CSMD3: variants seen among roughly 807,000 people sequenced by gnomAD.
CSMD3 encodes CUB and Sushi multiple domains 3, also known as CUB and sushi domain-containing protein 3.
In CSMD3, 177 loss-of-function variants were observed where a neutral mutation model predicts 435.2. The observed-to-expected ratio is 0.41, with a 90% CI of 0.36 to 0.46. The LOEUF is 0.46. CSMD3 is among the 20% of genes least tolerant of loss of function. The pLI, the probability that CSMD3 is intolerant of heterozygous loss-of-function variation, is 0.34. For synonymous variants in CSMD3, 1,656 were observed against 1,520.5 expected (o/e 1.09, Z -2.07); for missense variants, 4,265 against 4,504.6 (o/e 0.95, Z 1.52).
chr8:113,235,364 A>AT (rs1339837734), intron 3 of CSMD3, among the ~76,000 whole-genome samples: 17 of 152,086 alleles, frequency 1.1e-4, no homozygotes, highest in Non-Finnish European at 4.4e-5. Context: ...AGTGCACCCC[A>AT]TTCCAATAGC....
intron 1 of CSMD3, among the ~76,000 whole-genome samples, chr8:113,361,231 G>A (rs904178088): frequency 1.3e-5 from 2 of 152,014 alleles, no homozygotes; most frequent in Non-Finnish European, 1.5e-5. Context: ...TAAAAACTTA[G>A]CACTGATGTT....
At chr8:113,289,999 T>C (rs1588449885) in intron 2 of CSMD3, among the ~76,000 whole-genome samples, 1 of 151,768 alleles carries the variant, frequency 6.6e-6, no homozygotes, top group Non-Finnish European at 1.5e-5. Context: ...TTAAAATGTA[T>C]ATATTATAAT....
intron 4 of CSMD3, among the ~76,000 whole-genome samples, chr8:113,133,490 A>G (rs547165386): frequency 1.5e-4 from 23 of 152,294 alleles, no homozygotes; most frequent in African/African-American, 5.5e-4. Context: ...AGATTGTAAA[A>G]TGATGCAACT....
chr8:112,234,378 G>A lies in CSMD3; in HGVS notation c.10727C>T (p.Ala3576Val), dbSNP rs1813374479. 6.9e-6 allele frequency: 11 copies of A among 1,605,320 alleles called. No individual in the cohort carries two copies. The highest frequency in any genetic ancestry group is 8.5e-6 in the Non-Finnish European group (10 of 1,172,554). The change falls in exon 68 of 71, where the codon GCA becomes GTA. Residue 3576 changes from alanine (A) to valine (V), a missense_variant. This residue lies in a region of CSMD3 where 3,255 missense variants were observed against 3,380.2 expected (regional missense o/e 0.96). Coordinates refer to ENST00000297405, the MANE Select transcript of CSMD3 (RefSeq NM_198123.2). The stretch of plus-strand genomic sequence containing the variant: ...AACTATACTTACAAAGCCATCCATT[G>A]CCCAATTTTCTTCCTTCATTTTCTT... ...SVKKMKEENW[A>V]MDGFVSAEPD...
At chr8:112,624,395 T>C (rs962403861) in intron 22 of CSMD3, among the ~76,000 whole-genome samples, 1 of 152,142 alleles carries the variant, frequency 6.6e-6, no homozygotes, top group African/African-American at 2.4e-5. Flanking sequence ...TAATGTCCAC[T>C]GAAGGTGTAT....
chr8:113,109,392 C>T (rs200025947), intron 4 of CSMD3, among the ~76,000 whole-genome samples: 1 of 152,106 alleles, frequency 6.6e-6, no homozygotes, highest in East Asian at 1.9e-4. Flanking sequence ...AGGCAAATTG[C>T]CCTCTGACTG....
At chr8:112,386,659 G>A (rs1054631180) in intron 36 of CSMD3, among the ~76,000 whole-genome samples, 3 of 152,046 alleles carry the variant, frequency 2.0e-5, no homozygotes, top group Non-Finnish European at 4.4e-5. Flanking sequence ...CACCACGCCC[G>A]GCTAATTTTT....
At chr8:112,304,450 T>C (rs956258126) in intron 52 of CSMD3, among the ~76,000 whole-genome samples, 4 of 151,952 alleles carry the variant, frequency 2.6e-5, no homozygotes, top group South Asian at 2.1e-4. Context: ...AAGTAGTAAG[T>C]AATCATTACT....
At chr8:112,342,143 C>T (rs1490803782) in intron 41 of CSMD3, among the ~76,000 whole-genome samples, 1 of 152,054 alleles carries the variant, frequency 6.6e-6, no homozygotes, top group Non-Finnish European at 1.5e-5. Context: ...TATTCATTCA[C>T]AGGAGAGAAA....
intron 17 of CSMD3, 124 bp downstream of exon 17, chr8:112,666,153 A>G (rs2075519322): frequency 2.5e-6 from 2 of 813,076 alleles, no homozygotes; most frequent in African/African-American, 1.7e-5. Flanking sequence ...AGATGGAAGC[A>G]TTCAAAGCAC....
intron 32 of CSMD3, among the ~76,000 whole-genome samples, chr8:112,451,543 C>A (rs1057373761): frequency 6.9e-6 from 1 of 144,728 alleles, no homozygotes; most frequent in Admixed American, 7.0e-5. Context: ...ATAATCTTCT[C>A]TTTTTTTTTT....
chr8:112,933,215 T>A (rs1564120323), intron 9 of CSMD3, among the ~76,000 whole-genome samples: 1 of 152,176 alleles, frequency 6.6e-6, no homozygotes, highest in East Asian at 1.9e-4. Flanking sequence ...TGTTATCAAG[T>A]GGTGTATAAT....
chr8:113,168,760 TTTTC>T (rs1564387139), intron 4 of CSMD3, among the ~76,000 whole-genome samples: 4 of 151,862 alleles, frequency 2.6e-5, no homozygotes, highest in Non-Finnish European at 4.4e-5. Flanking sequence ...TACTTTTCAG[TTTTC>T]TTTAAGTTAG....
chr8:112,750,691 T>C (rs2077548616), intron 13 of CSMD3, among the ~76,000 whole-genome samples: 1 of 152,044 alleles, frequency 6.6e-6, no homozygotes, highest in African/African-American at 2.4e-5. Context: ...AAGGGTGGAA[T>C]AGTAGGAGAC....
At chr8:113,065,650 A>G (rs2088822726) in intron 5 of CSMD3, among the ~76,000 whole-genome samples, 1 of 152,116 alleles carries the variant, frequency 6.6e-6, no homozygotes, top group Non-Finnish European at 1.5e-5. Context: ...GTGCTCCCGA[A>G]GTGCTGGGAT....
intron 22 of CSMD3, among the ~76,000 whole-genome samples, chr8:112,628,191 GA>G (rs1457968432): frequency 6.6e-6 from 1 of 151,906 alleles, no homozygotes; most frequent in Non-Finnish European, 1.5e-5. Context: ...TTAACTCATT[GA>G]AAAAGTTTTT....
intron 14 of CSMD3, among the ~76,000 whole-genome samples, chr8:112,688,095 C>T (rs1048919557): frequency 6.6e-6 from 1 of 152,078 alleles, no homozygotes; most frequent in East Asian, 1.9e-4. Flanking sequence ...CAGCCATGCA[C>T]AATCAGTAAA....
intron 12 of CSMD3, among the ~76,000 whole-genome samples, chr8:112,826,032 CTGGAGTTCT>C (rs1160346459): frequency 1.3e-5 from 2 of 152,164 alleles, no homozygotes; most frequent in African/African-American, 4.8e-5. Context: ...GAGCCCCTGG[CTGGAGTTCT>C]TGGAGTTCCT....
chr8:112,465,081 T>C (rs1472055825), intron 32 of CSMD3, among the ~76,000 whole-genome samples: 2 of 152,152 alleles, frequency 1.3e-5, no homozygotes, highest in Admixed American at 6.5e-5. Flanking sequence ...TAAAATAACA[T>C]AGGGCCTTTA....
Sources: allele counts gnomAD v4.1 joint callset (sites outside exome capture counted in the v4.1 genomes callset), GRCh38; gene constraint gnomAD v4.1.1; regional missense constraint gnomAD v4.1.1; transcripts MANE v1.5; gene names NCBI Gene and HGNC (gene_info 2026-07-23, HGNC 2026-07-21).